The following NSUN2 variants were observed in gnomAD, a reference collection of about 807,000 sequenced individuals.
NSUN2 encodes RNA cytosine C(5)-methyltransferase NSUN2.
In NSUN2, 63 loss-of-function variants were observed where a neutral mutation model predicts 92.7. The observed-to-expected ratio is 0.68, with a 90% CI of 0.56 to 0.84. The LOEUF is 0.84. Ranked by LOEUF, NSUN2 falls within the 40% of genes least tolerant of loss-of-function variation. The pLI is 0.00. For missense variants in NSUN2, 989 were observed against 964.9 expected (o/e 1.02, Z -0.33); for synonymous variants, 356 against 348.3 (o/e 1.02, Z -0.25).
At chr5:6,619,678 T>C (rs147291784) in intron 7 of NSUN2, among the ~76,000 whole-genome samples, 2 of 152,302 alleles carry the variant, frequency 1.3e-5, no homozygotes, top group East Asian at 3.9e-4. Context: ...CTAAATAACA[T>C]AAAATCCAAT....
chr5:6,627,835 G>A (rs1356262015), intron 3 of NSUN2, among the ~76,000 whole-genome samples: 1 of 152,088 alleles, frequency 6.6e-6, no homozygotes, highest in African/African-American at 2.4e-5. Flanking sequence ...TTAAATCTTT[G>A]TAGATTTTAA....
rs778783156 is a variant in NSUN2, at chr5:6,623,300, A to C, written c.466-15T>G. 1.3e-6 allele frequency: 2 copies of C among 1,557,368 alleles called. No individual in the cohort carries two copies. Among genetic ancestry groups the C allele is most frequent in the Non-Finnish European group, 8.6e-7 (1 of 1,166,602 alleles). On this transcript the variant is annotated splice_polypyrimidine_tract_variant and intron_variant, in intron 4 of 18. Transcript: ENST00000264670. ...CTAATATTTCCCTTGAGGAAAAAAA[A>C]AAAATCAGCAACAATTAGGAAAAAA...
intron 9 of NSUN2, among the ~76,000 whole-genome samples, chr5:6,613,717 G>A (rs1458094030): frequency 6.6e-6 from 1 of 152,128 alleles, no homozygotes; most frequent in African/African-American, 2.4e-5. Context: ...TGCGATTTTG[G>A]CCTTGGTCTG....
At position 6,631,709 on chromosome 5, in the gene NSUN2, G is replaced by A. The variant is rs563284968; in HGVS notation, c.359+164C>T. On this transcript the variant is annotated intron_variant, in intron 3 of 18. Coordinates refer to ENST00000264670, the MANE Select transcript of NSUN2 (RefSeq NM_017755.6). ...AATCGCAAATCGCATGAAAACTTGC[G>A]TAGCAATATAATGTTGATAAAAGCA... Among the ~76,000 whole-genome samples, 5 of 152,320 alleles carry A rather than the reference G, an allele frequency of 3.3e-5. No homozygotes were observed. The East Asian group carries it at 5.8e-4, about 18-fold the overall frequency.
chr5:6,610,785 G>A lies in NSUN2; in HGVS notation c.1226+170C>T, dbSNP rs140163597. On this transcript the variant is annotated intron_variant, in intron 11 of 18. Transcript: ENST00000264670. ...TGCTCAATGCCAGCAACAGGCACAA[G>A]AGCCATACTGGCTGGGAAGTTCACA... 2.4e-3 allele frequency among the ~76,000 whole-genome samples: 368 copies of A among 151,802 alleles called. 2 individuals are homozygous for A. Among genetic ancestry groups the A allele is most frequent in the African/African-American group, 8.5e-3 (353 of 41,354 alleles).
chr5:6,604,574 T>C (rs377714723), intron 16 of NSUN2, 31 bp downstream of exon 16: 8 of 1,586,800 alleles, frequency 5.0e-6, no homozygotes, highest in Non-Finnish European at 6.9e-6. Flanking sequence ...CATCTGTGGC[T>C]ACTGCTGTTC....
intron 14 of NSUN2, among the ~76,000 whole-genome samples, chr5:6,606,259 A>AT (rs759509061): frequency 2.0e-5 from 3 of 152,196 alleles, no homozygotes; most frequent in East Asian, 3.9e-4. Context: ...ATCACAACTA[A>AT]TTTAGATTCA....
intron 6 of NSUN2, chr5:6,621,416 A>G (rs1737433356): frequency 6.6e-6 from 1 of 152,128 alleles, no homozygotes; most frequent in Non-Finnish European, 1.5e-5. Context: ...AAAAATTCAA[A>G]CAGTGAAATC....
At chr5:6,604,028 T>C (rs1736657967) in intron 17 of NSUN2, 110 bp downstream of exon 17, 3 of 987,740 alleles carry the variant, frequency 3.0e-6, no homozygotes, top group Admixed American at 4.5e-5. Context: ...TAGCCATAAA[T>C]AAACTGAAAA....
At chr5:6,618,488 A>G (rs1397038868) in intron 7 of NSUN2, among the ~76,000 whole-genome samples, 1 of 152,192 alleles carries the variant, frequency 6.6e-6, no homozygotes, top group Non-Finnish European at 1.5e-5. Context: ...AACATTTCTG[A>G]CTTTCTACTT....
In NSUN2 at chr5:6,602,518, A is replaced by G. The variant is rs766951239; in HGVS notation, c.1958-18T>C. The G allele has an allele frequency of 1.2e-6, 2 of 1,614,178 alleles. No individual in the cohort carries two copies. The highest frequency in any genetic ancestry group is 1.3e-5 in the African/African-American group (1 of 75,066). Reference sequence around the variant, plus strand: ...TCCCTTTGCTGGAAAAGAAACAGACACACATTTGCCAGGTTTTCCAGGTAG... The same window carrying G: ...TCCCTTTGCTGGAAAAGAAACAGACGCACATTTGCCAGGTTTTCCAGGTAG... On this transcript the variant is annotated intron_variant, in intron 17 of 18. Coordinates refer to ENST00000264670, the MANE Select transcript of NSUN2 (RefSeq NM_017755.6).
intron 7 of NSUN2, among the ~76,000 whole-genome samples, chr5:6,618,775 G>A (rs894386816): frequency 6.6e-6 from 1 of 152,078 alleles, no homozygotes; most frequent in Non-Finnish European, 1.5e-5. Context: ...ATATTTTATA[G>A]TAAAGACTGG....
intron 3 of NSUN2, among the ~76,000 whole-genome samples, chr5:6,630,526 T>C (rs1466240946): frequency 6.6e-6 from 1 of 152,180 alleles, no homozygotes; most frequent in Non-Finnish European, 1.5e-5. Flanking sequence ...TATTTATTCC[T>C]ATATCCCAGC....
At chr5:6,610,063 A>C in intron 11 of NSUN2, 141 bp from the exon 12 acceptor site, 1 of 533,256 alleles carries the variant, frequency 1.9e-6, no homozygotes, top group Non-Finnish European at 3.1e-6. Context: ...ATGTAAACTT[A>C]AATTTTTTTT....
intron 14 of NSUN2, 50 bp from the exon 15 acceptor site, chr5:6,605,458 A>G (rs761361298): frequency 6.3e-7 from 1 of 1,590,216 alleles, no homozygotes; most frequent in Non-Finnish European, 8.6e-7. Context: ...AAAATCTGGT[A>G]GACTGTTTCT....
chr5:6,606,994 T>A, intron 13 of NSUN2, 82 bp from the exon 14 acceptor site: 1 of 1,009,086 alleles, frequency 9.9e-7, no homozygotes, highest in Non-Finnish European at 1.5e-6. Context: ...TTCCTTTCTG[T>A]CAGTTCTGTG....
intron 18 of NSUN2, 36 bp from the exon 19 acceptor site, chr5:6,600,268 CATTCCCATAACTAAATCGA>C: frequency 1.3e-6 from 2 of 1,574,290 alleles, no homozygotes; most frequent in Non-Finnish European, 8.7e-7. Context: ...GAACATTAAA[CATTCCCATAACTAAATCGA>C]ATGAGATGTA....
intron 11 of NSUN2, 31 bp from the exon 12 acceptor site, chr5:6,609,953 A>G: frequency 7.1e-7 from 1 of 1,411,216 alleles, no homozygotes; most frequent in Middle Eastern, 2.1e-4. Context: ...CACACCTCTG[A>G]ACTAATCAAA....
chr5:6,618,880 T>C (rs957574181), intron 7 of NSUN2, among the ~76,000 whole-genome samples: 2 of 152,202 alleles, frequency 1.3e-5, no homozygotes, highest in African/African-American at 4.8e-5. Context: ...TGATTTTCCT[T>C]GATGGTCTAG....
Sources: gnomAD v4.1 joint callset for allele counts (sites outside exome capture counted in the v4.1 genomes callset) on GRCh38, gnomAD v4.1.1 for gene constraint, MANE v1.5 for transcripts, NCBI Gene and HGNC (gene_info 2026-07-23, HGNC 2026-07-21) for gene names.